The following TTC39B variants were observed in gnomAD, a reference collection of about 807,000 sequenced individuals.
TTC39B encodes tetratricopeptide repeat protein 39B.
TTC39B carries 92 observed loss-of-function variants against 96.6 expected under a neutral mutation model. The ratio of observed to expected loss-of-function variants is 0.95; its 90% CI spans 0.80 to 1.13. TTC39B has a LOEUF of 1.13. Among genes scored for constraint, TTC39B ranks in the 50% most tolerant of loss-of-function variants. The pLI is 0.00. For synonymous variants in TTC39B, 367 were observed against 299.4 expected, an observed-to-expected ratio of 1.23 and a Z score of -2.33; for missense variants, 955 against 809.3, an observed-to-expected ratio of 1.18 and a Z score of -2.18.
At chr9:15,295,649 G>T (rs1226372132) in intron 1 of TTC39B, among the ~76,000 whole-genome samples, 1 of 152,234 alleles carries the variant, frequency 6.6e-6, no homozygotes, top group Non-Finnish European at 1.5e-5. Flanking sequence ...AGCATAAAGA[G>T]AAAGTAAATT....
exon 20 of TTC39B, chr9:15,164,974 TAAAG>T (rs1419583773): frequency 6.6e-6 from 1 of 152,186 alleles, no homozygotes; most frequent in South Asian, 2.1e-4. Flanking sequence ...ATTATTTTCT[TAAAG>T]AAAAAACAAA....
chr9:15,202,748 G>A (rs1586861768), intron 7 of TTC39B, among the ~76,000 whole-genome samples: 2 of 147,268 alleles, frequency 1.4e-5, no homozygotes, highest in African/African-American at 2.5e-5. Flanking sequence ...AAAAAAAAAA[G>A]ATTGTGAGTG....
At chr9:15,206,605 C>T (rs966532737) in intron 6 of TTC39B, among the ~76,000 whole-genome samples, 1 of 152,090 alleles carries the variant, frequency 6.6e-6, no homozygotes, top group Non-Finnish European at 1.5e-5. Flanking sequence ...CCTTAGTCCA[C>T]AGGAGTAAAT....
chr9:15,177,648 C>A (rs756222530), intron 18 of TTC39B, 49 bp downstream of exon 18: 50 of 1,315,856 alleles, frequency 3.8e-5, no homozygotes, highest in Non-Finnish European at 5.1e-5. Context: ...ACAGCAATTC[C>A]CCAGAAACCA....
At chr9:15,267,679 T>G (rs1239284051) in intron 2 of TTC39B, among the ~76,000 whole-genome samples, 3 of 152,200 alleles carry the variant, frequency 2.0e-5, no homozygotes, top group African/African-American at 4.8e-5. Context: ...AATACTTTGT[T>G]GAGAAATATT....
At chr9:15,228,408 G>T (rs141902561) in intron 2 of TTC39B, among the ~76,000 whole-genome samples, 1 of 152,280 alleles carries the variant, frequency 6.6e-6, no homozygotes, top group African/African-American at 2.4e-5. Flanking sequence ...AGGTTGCAGT[G>T]AGCCAAGATT....
rs114289428 is a variant in TTC39B at position 15,239,318 on chromosome 9, G to C, written c.276-13306C>G. ...GGGAACACTTGTACACTGTTGGTGGGAACAAACGTTGCTTCAACCTCTATG... is the reference window on the plus strand; with the variant it reads ...GGGAACACTTGTACACTGTTGGTGGCAACAAACGTTGCTTCAACCTCTATG... On this transcript the variant is annotated intron_variant, in intron 2 of 19. Transcript: ENST00000512701. Among the ~76,000 whole-genome samples, 801 of 152,294 alleles carry C rather than the reference G, an allele frequency of 5.3e-3. 7 individuals carry two copies. Among genetic ancestry groups the C allele is most frequent in the African/African-American group, 0.019 (784 of 41,566 alleles).
In TTC39B at chr9:15,255,915, T is replaced by C. The variant is rs1198422882; in HGVS notation, c.275+11999A>G. Among the ~76,000 whole-genome samples the C allele has an allele frequency of 3.9e-5, 6 of 152,306 alleles. No individual in the cohort carries two copies. In the East Asian group the frequency reaches 7.7e-4, roughly 20 times the overall value. ...AATTATCACTGTGCCCTATACTCAT[T>C]AGGAACTCAATGGTGGCTACATTTT... is the stretch of plus-strand genomic sequence containing the variant. On this transcript the variant is annotated intron_variant, in intron 2 of 19. Transcript: ENST00000512701.
intron 1 of TTC39B, among the ~76,000 whole-genome samples, chr9:15,289,913 A>G (rs762607413): frequency 2.0e-5 from 3 of 152,166 alleles, no homozygotes; most frequent in Middle Eastern, 3.2e-3. Flanking sequence ...GGGCAGGAGT[A>G]ATTCATACAG....
chr9:15,295,771 G>C (rs1281488623), intron 1 of TTC39B, among the ~76,000 whole-genome samples: 1 of 152,202 alleles, frequency 6.6e-6, no homozygotes, highest in Non-Finnish European at 1.5e-5. Flanking sequence ...AAGTCAGAGA[G>C]GAAATGGGAA....
chr9:15,222,084 C>T (rs1820874922), intron 3 of TTC39B, among the ~76,000 whole-genome samples: 1 of 152,142 alleles, frequency 6.6e-6, no homozygotes, highest in African/African-American at 2.4e-5. Context: ...CAAAAACCTG[C>T]CTCAGCTTTC....
chr9:15,164,462 T>G (rs1817483464), exon 20 of TTC39B: 1 of 152,196 alleles, frequency 6.6e-6, no homozygotes, highest in Non-Finnish European at 1.5e-5. Context: ...GGTTTTGAGG[T>G]GGGCAGACCA....
intron 2 of TTC39B, among the ~76,000 whole-genome samples, chr9:15,247,273 G>T (rs1822321299): frequency 6.6e-6 from 1 of 152,194 alleles, no homozygotes; most frequent in Admixed American, 6.5e-5. Context: ...TTTATCTTAA[G>T]ATCAGTGGGT....
chr9:15,298,649 G>A (rs1056698733), intron 1 of TTC39B, among the ~76,000 whole-genome samples: 4 of 152,236 alleles, frequency 2.6e-5, no homozygotes, highest in South Asian at 2.1e-4. Flanking sequence ...CCCATGACAC[G>A]TGGGGATTAT....
intron 1 of TTC39B, among the ~76,000 whole-genome samples, chr9:15,269,625 G>A (rs923958614): frequency 2.6e-5 from 4 of 151,698 alleles, no homozygotes; most frequent in African/African-American, 9.7e-5. Flanking sequence ...AGGCCGAGGC[G>A]GGTGGATCAC....
At chr9:15,174,622 C>A (rs921309036) in intron 19 of TTC39B, among the ~76,000 whole-genome samples, 2 of 152,098 alleles carry the variant, frequency 1.3e-5, no homozygotes, top group African/African-American at 4.8e-5. Context: ...CTAAACATAC[C>A]CATCTGTTTA....
At chr9:15,206,014 G>A (rs926445597) in intron 6 of TTC39B, among the ~76,000 whole-genome samples, 7 of 152,178 alleles carry the variant, frequency 4.6e-5, no homozygotes, top group African/African-American at 1.4e-4. Context: ...GTCAGTCCCT[G>A]CAGAGATCTG....
chr9:15,199,289 G>C (rs1268221320), intron 8 of TTC39B, among the ~76,000 whole-genome samples: 1 of 152,156 alleles, frequency 6.6e-6, no homozygotes, highest in Non-Finnish European at 1.5e-5. Context: ...TCTAAGGAGA[G>C]AGAAAACTAA....
intron 1 of TTC39B, among the ~76,000 whole-genome samples, chr9:15,285,680 C>T (rs1022935842): frequency 2.6e-5 from 4 of 152,098 alleles, no homozygotes; most frequent in Admixed American, 2.0e-4. Flanking sequence ...CGATGAAACC[C>T]CGTCTCTACT....
Sources: allele counts gnomAD v4.1 joint callset (sites outside exome capture counted in the v4.1 genomes callset), GRCh38; gene constraint gnomAD v4.1.1; transcripts MANE v1.5; gene names NCBI Gene and HGNC (gene_info 2026-07-23, HGNC 2026-07-21).